LRRC43: variants seen among roughly 807,000 people sequenced by gnomAD.
LRRC43 encodes leucine-rich repeat-containing protein 43.
Under a neutral mutation model 64.3 loss-of-function variants are expected in LRRC43, and 62 were observed. The ratio of observed to expected loss-of-function variants is 0.96; its 90% CI spans 0.79 to 1.19. The LOEUF (loss-of-function observed/expected upper bound fraction) is 1.19, where lower values mean the gene tolerates loss of function less well. Ranked by LOEUF, LRRC43 falls within the 50% of genes most tolerant of loss-of-function variation. The pLI, the probability that LRRC43 is intolerant of heterozygous loss-of-function variation, is 0.00. For synonymous variants in LRRC43, 422 were observed against 382.3 expected, an observed-to-expected ratio of 1.10 and a Z score of -1.21; for missense variants, 868 against 845.0, an observed-to-expected ratio of 1.03 and a Z score of -0.34.
At chr12:122,170,866 C>T (rs1953478977) in intron 1 of LRRC43, among the ~76,000 whole-genome samples, 1 of 151,880 alleles carries the variant, frequency 6.6e-6, no homozygotes, top group Non-Finnish European at 1.5e-5. Context: ...ATTAGAATCC[C>T]CTGGAGGGCC....
upstream of LRRC43, among the ~76,000 whole-genome samples, chr12:122,178,887 G>A (rs1213372032): frequency 2.6e-5 from 4 of 152,164 alleles, no homozygotes; most frequent in Admixed American, 6.5e-5. Flanking sequence ...GATTATAGGC[G>A]TGAGCCATGG....
chr12:122,201,444 G>C, intron 11 of LRRC43, 115 bp downstream of exon 11: 4 of 885,382 alleles, frequency 4.5e-6, no homozygotes, highest in Non-Finnish European at 7.6e-6. Context: ...TCTGGCCTGG[G>C]GAGAGGCCAC....
chr12:122,186,121 G>A (rs1216020300), intron 2 of LRRC43, 69 bp from the exon 3 acceptor site: 1 of 830,852 alleles, frequency 1.2e-6, no homozygotes, highest in Non-Finnish European at 2.0e-6. Context: ...TCTTCCTAAT[G>A]TGGACATGGG....
chr12:122,187,163 G>A (rs910868437), intron 3 of LRRC43, among the ~76,000 whole-genome samples: 1 of 149,196 alleles, frequency 6.7e-6, no homozygotes. Flanking sequence ...CCCAGGAGGC[G>A]GAGGTTGCAG....
intron 6 of LRRC43, among the ~76,000 whole-genome samples, chr12:122,192,176 C>T (rs542845615): frequency 3.9e-5 from 6 of 152,184 alleles, no homozygotes; most frequent in East Asian, 3.9e-4. Context: ...CTCGCTCTGT[C>T]GCTCAGGCTG....
chr12:122,195,626 T>C (rs1279716463), intron 7 of LRRC43, among the ~76,000 whole-genome samples: 1 of 152,182 alleles, frequency 6.6e-6, no homozygotes, highest in Admixed American at 6.6e-5. Context: ...CTTATTGGGA[T>C]TCCTTTGTCT....
upstream of LRRC43, chr12:122,183,122 T>G (rs1953597508): frequency 2.0e-6 from 3 of 1,530,376 alleles, no homozygotes; most frequent in Non-Finnish European, 2.6e-6. Context: ...TCCTAGCGGT[T>G]GCCGGGCAAC....
chr12:122,186,373 A>G, intron 3 of LRRC43, 73 bp downstream of exon 3: 1 of 946,882 alleles, frequency 1.1e-6, no homozygotes, highest in South Asian at 1.4e-5. Context: ...CCTGCCCCAC[A>G]TAGTGTGGCC....
At chr12:122,202,988 G>A (rs569459837) in intron 11 of LRRC43, among the ~76,000 whole-genome samples, 1 of 152,140 alleles carries the variant, frequency 6.6e-6, no homozygotes. Flanking sequence ...GCTACTTGGA[G>A]GCTGACGCAG....
At chr12:122,174,458 G>C (rs1953519377) in intron 1 of LRRC43, among the ~76,000 whole-genome samples, 8 of 152,192 alleles carry the variant, frequency 5.3e-5, no homozygotes, top group Admixed American at 5.2e-4. Flanking sequence ...ATGCATCTTT[G>C]CCATTCTTCT....
At chr12:122,201,918 G>C (rs1410996292) in intron 11 of LRRC43, 1 of 152,670 alleles carries the variant, frequency 6.6e-6, no homozygotes, top group African/African-American at 2.4e-5. Flanking sequence ...GAGGTGAGGA[G>C]TTCGAGACCA....
rs191204108 is a variant in LRRC43 at position 122,174,283 on chromosome 12, G to A, written c.-406+6501G>A. 1.9e-5 allele frequency: 24 copies of A among 1,289,818 alleles called. No homozygotes were observed. The Middle Eastern group carries it at 6.0e-4, about 32-fold the overall frequency. The allele number at this position is 1,289,818 out of a possible 1,614,324, so 79.9% of individuals were successfully genotyped here. A position where few individuals can be genotyped will look rare whatever the true frequency, so the allele number is the denominator to read the frequency against. On this transcript the variant is annotated intron_variant, in intron 1 of 5. Transcript: ENST00000537729. The stretch of plus-strand genomic sequence containing the variant: ...AGGGTGAGGAGAAAGAGCAGTCAGC[G>A]TCCCGCCCATGGCAAAACCATTTAC...
intron 1 of LRRC43, among the ~76,000 whole-genome samples, chr12:122,169,456 C>T (rs984250633): frequency 6.6e-6 from 1 of 152,064 alleles, no homozygotes; most frequent in Non-Finnish European, 1.5e-5. Flanking sequence ...TGGCTCATTC[C>T]TGTAATTCCA....
Position 122,184,574 on chromosome 12 carries a change from G to T in LRRC43, c.206G>T (p.Arg69Ile), listed in dbSNP as rs1953618736. ...TWRTWRELVP[R>I]EEDVVSPGEE... ...CGAACTTGGAGGGAGCTTGTCCCCA[G>T]AGAGGAGGATGTGGTGAGCCCCGGA... The change falls in exon 2 of 12, where the codon AGA becomes ATA. Residue 69 changes from arginine (R) to isoleucine (I), a missense_variant. Arg to Ile is a moderately conservative substitution (Grantham distance 97, BLOSUM62 -3). Coordinates refer to ENST00000339777, the MANE Select transcript of LRRC43 (RefSeq NM_001098519.2). This position sits in a 1 kb window ranked among gnomAD's most constrained non-coding sequence, Gnocchi z 4.0. 1 of 1,613,812 alleles carries T rather than the reference G, an allele frequency of 6.2e-7. No homozygotes were observed. The highest frequency in any genetic ancestry group is 8.5e-7 in the Non-Finnish European group (1 of 1,179,884).
Position 122,184,951 on chromosome 12 carries a change from C to T in LRRC43, c.411+172C>T, listed in dbSNP as rs1012257342. Among the ~76,000 whole-genome samples, 5 of 152,126 alleles carry T rather than the reference C, an allele frequency of 3.3e-5. No individual in the cohort carries two copies. Among genetic ancestry groups the T allele is most frequent in the African/African-American group, 9.7e-5 (4 of 41,426 alleles). The stretch of plus-strand genomic sequence containing the variant: ...CCCTGGCTTGTGTGCCAGGCAGGGC[C>T]GGCTACTCGGTCAGCCTTGCGTTTC... On this transcript the variant is annotated intron_variant, in intron 2 of 11. Transcript: ENST00000339777. The surrounding 1 kb of genome is among the most constrained non-coding windows in gnomAD (Gnocchi z 4.0).
upstream of LRRC43, among the ~76,000 whole-genome samples, chr12:122,181,151 C>G (rs566939367): frequency 6.6e-6 from 1 of 151,038 alleles, no homozygotes; most frequent in East Asian, 2.0e-4. Flanking sequence ...TCAGGAGGTC[C>G]AGGCTTCAGT....
intron 1 of LRRC43, among the ~76,000 whole-genome samples, chr12:122,176,376 G>A (rs1324541037): frequency 6.6e-6 from 1 of 152,162 alleles, no homozygotes; most frequent in South Asian, 2.1e-4. Context: ...GTAGTGGGGA[G>A]GTGGGCAGCG....
At chr12:122,197,910 T>G (rs534659593) in intron 7 of LRRC43, among the ~76,000 whole-genome samples, 2 of 151,404 alleles carry the variant, frequency 1.3e-5, no homozygotes, top group South Asian at 4.2e-4. Context: ...TGGTTTGGGG[T>G]TTTTTTTTCA....
chr12:122,190,415 C>G, intron 5 of LRRC43, 47 bp downstream of exon 5: 1 of 1,494,384 alleles, frequency 6.7e-7, no homozygotes, highest in Non-Finnish European at 9.3e-7. Flanking sequence ...GACACCCCAG[C>G]CTGCGCCTGG....
Sources: gnomAD v4.1 joint callset for allele counts (sites outside exome capture counted in the v4.1 genomes callset) on GRCh38, gnomAD v4.1.1 for gene constraint, Gnocchi (gnomAD v3.1) non-coding constraint, MANE v1.5 for transcripts, NCBI Gene and HGNC (gene_info 2026-07-23, HGNC 2026-07-21) for gene names.